ARHGEF7: variants seen among roughly 807,000 people sequenced by gnomAD.
ARHGEF7 encodes the protein Rho guanine nucleotide exchange factor 7, also known as PAK-interacting exchange factor beta.
A neutral mutation model predicts 109.8 loss-of-function variants in ARHGEF7; 33 were observed. The ratio of observed to expected loss-of-function variants is 0.30; its 90% CI spans 0.23 to 0.40. ARHGEF7 has a LOEUF of 0.40. ARHGEF7 is among the 10% of genes least tolerant of loss of function. The pLI, the probability that ARHGEF7 is intolerant of heterozygous loss-of-function variation, is 1.00. For synonymous variants in ARHGEF7, 458 were observed against 424.6 expected (o/e 1.08, Z -0.97); for missense variants, 938 against 1,098.5 (o/e 0.85, Z 2.07).
Position 111,233,245 on chromosome 13 carries a change from T to C in ARHGEF7, c.711T>C (p.Pro237=), listed in dbSNP as rs2086347689. The C allele has an allele frequency of 6.2e-7, 1 of 1,614,030 alleles. No homozygotes were observed. Among genetic ancestry groups the C allele is most frequent in the Admixed American group, 1.7e-5 (1 of 60,006 alleles). ...CCAAATCAGGAACACTGAAGAGCCCTCCCAAAGGATTTGATACGACTGCCA... is the reference window on the plus strand; with the variant it reads ...CCAAATCAGGAACACTGAAGAGCCCCCCCAAAGGATTTGATACGACTGCCA... The part of the protein sequence containing the change: ...VSPKSGTLKS[P]PKGFDTTAIN... The change falls in exon 6 of 22, where the codon CCT becomes CCC. Residue 237 remains proline (P), a synonymous_variant. Transcript: ENST00000646102.
chr13:111,259,995 CTT>C (rs1182221226), intron 8 of ARHGEF7, among the ~76,000 whole-genome samples: 2 of 152,106 alleles, frequency 1.3e-5, no homozygotes, highest in Non-Finnish European at 2.9e-5. Context: ...ATCAAAGTCT[CTT>C]AGCAGAATTG....
chr13:111,299,337 A>ATTTT (rs936360326), intron 19 of ARHGEF7, among the ~76,000 whole-genome samples: 95 of 106,066 alleles, frequency 9.0e-4, no homozygotes, highest in Non-Finnish European at 1.0e-3. Flanking sequence ...GAAGCCATTC[A>ATTTT]TTTTTTTTTT....
chr13:111,224,061 C>G (rs1594913635), intron 5 of ARHGEF7, among the ~76,000 whole-genome samples: 1 of 152,254 alleles, frequency 6.6e-6, no homozygotes, highest in African/African-American at 2.4e-5. Context: ...TTCACCATGT[C>G]AGCCAGGCTG....
intron 13 of ARHGEF7, among the ~76,000 whole-genome samples, chr13:111,278,254 G>T (rs2092599083): frequency 6.6e-6 from 1 of 152,178 alleles, no homozygotes. Context: ...TATAGTGGTG[G>T]TATATGAAGG....
At chr13:111,250,983 G>A (rs2089676643) in intron 8 of ARHGEF7, among the ~76,000 whole-genome samples, 1 of 152,172 alleles carries the variant, frequency 6.6e-6, no homozygotes, top group Non-Finnish European at 1.5e-5. Flanking sequence ...GCTCTGTTAG[G>A]TAGACATGCA....
intron 8 of ARHGEF7, among the ~76,000 whole-genome samples, chr13:111,262,145 T>G (rs929326684): frequency 5.9e-5 from 9 of 152,118 alleles, no homozygotes; most frequent in Admixed American, 5.9e-4. Context: ...TTACAAAAGA[T>G]CGATGAAACC....
At chr13:111,176,644 C>T (rs2078191562) in intron 2 of ARHGEF7, among the ~76,000 whole-genome samples, 2 of 152,208 alleles carry the variant, frequency 1.3e-5, no homozygotes, top group African/African-American at 4.8e-5. Flanking sequence ...TGAGTGGGAC[C>T]CCCGCGTGCG....
At position 111,303,109 on chromosome 13, in the gene ARHGEF7, T is replaced by C; in HGVS notation, c.2585T>C (p.Leu862Pro). 6.2e-7 allele frequency: 1 copy of C among 1,613,090 alleles called. No individual in the cohort carries two copies. Among genetic ancestry groups the C allele is most frequent in the Non-Finnish European group, 8.5e-7 (1 of 1,179,488 alleles). The change falls in exon 22 of 22, where the codon CTA (leucine) becomes CCA (proline). Residue 862 changes from leucine to proline, a missense_variant. Coordinates refer to ENST00000646102, the MANE Select transcript of ARHGEF7 (RefSeq NM_001354046.2). Reference sequence around the variant, plus strand: ...GATCCTGCCTGGGATGAGACCAATCTATAAGGGATGTCCTCAGTTCTTTCT... The same window carrying C: ...GATCCTGCCTGGGATGAGACCAATCCATAAGGGATGTCCTCAGTTCTTTCT... The part of the protein sequence containing the change: ...MNDPAWDETN[L>P]
intron 2 of ARHGEF7, among the ~76,000 whole-genome samples, chr13:111,180,069 G>T (rs1566729246): frequency 6.6e-6 from 1 of 152,188 alleles, no homozygotes; most frequent in African/African-American, 2.4e-5. Context: ...ATTACTTCCT[G>T]TTATGGTGGT....
At chr13:111,137,426 G>A (rs2075137079) in intron 1 of ARHGEF7, among the ~76,000 whole-genome samples, 1 of 152,222 alleles carries the variant, frequency 6.6e-6, no homozygotes, top group Admixed American at 6.5e-5. Context: ...GTCCTCACCT[G>A]GGCGTCTTTT....
At chr13:111,222,152 T>G (rs2084521683) in intron 5 of ARHGEF7, among the ~76,000 whole-genome samples, 1 of 152,168 alleles carries the variant, frequency 6.6e-6, no homozygotes, top group African/African-American at 2.4e-5. Flanking sequence ...GGATTAATGC[T>G]TTGTGTCCTT....
rs1566606670 is a variant in ARHGEF7, at chr13:111,133,785, AT to A, written c.165+18095del. Reference sequence around the variant, plus strand: ...TCTTTATATATATATATATATATATATATATATATATATATATATATATATA... The same window carrying A: ...TCTTTATATATATATATATATATATAATATATATATATATATATATATATA... On this transcript the variant is annotated intron_variant, in intron 1 of 21. Coordinates refer to ENST00000646102, the MANE Select transcript of ARHGEF7 (RefSeq NM_001354046.2). Among the ~76,000 whole-genome samples the A allele has an allele frequency of 1.2e-3, 117 of 99,944 alleles. 4 individuals carry two copies. Among genetic ancestry groups the A allele is most frequent in the East Asian group, 7.4e-3 (16 of 2,148 alleles). The allele number at this position is 99,944 out of a possible 152,430, so 65.6% of individuals were successfully genotyped here.
chr13:111,262,632 A>C (rs2091226085), intron 8 of ARHGEF7, among the ~76,000 whole-genome samples: 1 of 152,136 alleles, frequency 6.6e-6, no homozygotes, highest in African/African-American at 2.4e-5. Flanking sequence ...TCCTCTGTCT[A>C]GTTAGCAGTA....
At chr13:111,210,135 T>G in intron 4 of ARHGEF7, 133 bp downstream of exon 4, 1 of 1,183,106 alleles carries the variant, frequency 8.5e-7, no homozygotes, top group Non-Finnish European at 1.2e-6. Context: ...TCGCCTCCGT[T>G]GTGCCTGTAA....
rs56047737 is a variant in ARHGEF7, at chr13:111,222,093, C to A, written c.670+4213C>A. On this transcript the variant is annotated intron_variant, in intron 5 of 21. Coordinates refer to ENST00000646102, the MANE Select transcript of ARHGEF7 (RefSeq NM_001354046.2). Reference sequence around the variant, plus strand: ...GGGTGGGTCTGCCTTTCCCAGTTCACGGACTCAAATGTGAATCTCCTTTAG... The same window carrying A: ...GGGTGGGTCTGCCTTTCCCAGTTCAAGGACTCAAATGTGAATCTCCTTTAG... Among the ~76,000 whole-genome samples the A allele has an allele frequency of 2.0e-5, 3 of 152,210 alleles. 1 individual carries two copies. In the South Asian group the frequency reaches 6.2e-4, roughly 32 times the overall value.
At chr13:111,225,727 G>T (rs2085119178) in intron 5 of ARHGEF7, among the ~76,000 whole-genome samples, 1 of 152,146 alleles carries the variant, frequency 6.6e-6, no homozygotes, top group African/African-American at 2.4e-5. Context: ...CCATGCCCAT[G>T]TAAGATGGCA....
Position 111,244,272 on chromosome 13 carries a change from C to T in ARHGEF7, c.928C>T (p.Gln310Ter). 6.2e-7 allele frequency: 1 copy of T among 1,607,066 alleles called. No individual in the cohort carries two copies. Among genetic ancestry groups the T allele is most frequent in the Non-Finnish European group, 8.5e-7 (1 of 1,176,750 alleles). Residue 310 changes from glutamine to a stop codon, truncating the protein, a stop_gained, in exon 8 of 22, where the codon CAG becomes TAG. Transcript: ENST00000646102. LOFTEE classifies it high-confidence loss of function. ...ATGTTCTTTCCAGCAAATGCTCGTA[C>T]AGTCTTTAGAAGAATGCACCAAGTA... is the stretch of plus-strand genomic sequence containing the variant. ...EICSFQQMLVQSLEECTKLPE... is the reference protein window; with the variant it reads ...EICSFQQMLV
Position 111,137,701 on chromosome 13 carries a change from G to GT in ARHGEF7, c.166-16195dup, listed in dbSNP as rs530865181. Among the ~76,000 whole-genome samples the GT allele has an allele frequency of 3.2e-3, 477 of 151,216 alleles. 1 individual carries two copies. The highest frequency in any genetic ancestry group is 6.0e-3 in the African/African-American group (246 of 41,266). ...AATTTTTTAAAATAAAAAAGAATAT[G>GT]TTTTTTTTTCATACAACAGAAGAGA... On this transcript the variant is annotated intron_variant, in intron 1 of 21. Transcript: ENST00000646102.
rs543987825 is a variant in ARHGEF7, at chr13:111,237,279, T to C, written c.759+3986T>C. Reference sequence around the variant, plus strand: ...AAATACATGAAGATTAATAGACAAATGGGAAAGGTTGTGAACAATTTAAAA... The same window carrying C: ...AAATACATGAAGATTAATAGACAAACGGGAAAGGTTGTGAACAATTTAAAA... On this transcript the variant is annotated intron_variant, in intron 6 of 21. Coordinates refer to ENST00000646102, the MANE Select transcript of ARHGEF7 (RefSeq NM_001354046.2). Among the ~76,000 whole-genome samples the C allele has an allele frequency of 3.3e-5, 5 of 152,154 alleles. No homozygotes were observed. In the South Asian group the frequency reaches 1.0e-3, roughly 32 times the overall value.
Sources: gnomAD v4.1 joint callset for allele counts (sites outside exome capture counted in the v4.1 genomes callset) on GRCh38, gnomAD v4.1.1 for gene constraint, MANE v1.5 for transcripts, NCBI Gene and HGNC (gene_info 2026-07-23, HGNC 2026-07-21) for gene names.